Variants in CLINT1 observed in about 807,000 individuals in gnomAD.
CLINT1 encodes clathrin interactor 1.
In CLINT1, 15 loss-of-function variants were observed where a neutral mutation model predicts 70.4. The observed-to-expected ratio is 0.21, with a 90% confidence interval of 0.14 to 0.33. The LOEUF (loss-of-function observed/expected upper bound fraction) is 0.33. CLINT1 is among the 10% of genes least tolerant of loss of function. CLINT1 has a pLI of 1.00. For missense variants in CLINT1, 615 were observed against 778.1 expected (o/e 0.79, Z 2.49); for synonymous variants, 227 against 254.7 (o/e 0.89, Z 1.04).
chr5:157,841,195 G>A (rs1753161561), intron 1 of CLINT1, among the ~76,000 whole-genome samples: 1 of 152,172 alleles, frequency 6.6e-6, no homozygotes, highest in African/African-American at 2.4e-5. Context: ...GATGCCGGGA[G>A]GTTGAGGCAG....
chr5:157,830,997 T>C (rs188177042), intron 1 of CLINT1, among the ~76,000 whole-genome samples: 1 of 151,484 alleles, frequency 6.6e-6, no homozygotes, highest in East Asian at 1.9e-4. Context: ...TGAGACATGA[T>C]AGTGCCACTA....
At chr5:157,842,907 T>G (rs1051689615) in intron 1 of CLINT1, among the ~76,000 whole-genome samples, 1 of 152,200 alleles carries the variant, frequency 6.6e-6, no homozygotes, top group Non-Finnish European at 1.5e-5. Flanking sequence ...TTAAGGCCAC[T>G]TGCACAGCTT....
At chr5:157,806,458 A>T (rs1762387086) in intron 6 of CLINT1, among the ~76,000 whole-genome samples, 1 of 152,118 alleles carries the variant, frequency 6.6e-6, no homozygotes, top group South Asian at 2.1e-4. Context: ...AGAATCCATG[A>T]TAAGACCCTG....
At chr5:157,814,666 G>T (rs147160203) in intron 3 of CLINT1, among the ~76,000 whole-genome samples, 146 of 152,238 alleles carry the variant, frequency 9.6e-4, no homozygotes, top group South Asian at 5.6e-3. Context: ...AAATTATTTG[G>T]TAATTAAACA....
At chr5:157,828,234 T>G (rs999410541) in intron 1 of CLINT1, among the ~76,000 whole-genome samples, 1 of 152,210 alleles carries the variant, frequency 6.6e-6, no homozygotes, top group Non-Finnish European at 1.5e-5. Flanking sequence ...TAAGGCGTTT[T>G]TATTTTCCAG....
In CLINT1 at chr5:157,807,575, C is replaced by T. The variant is rs931767118; in HGVS notation, c.696-1463G>A. Reference sequence around the variant, plus strand: ...ATATGCAACTCTGTCAAAAAATCTACTCTTCTCTCACAAATACTTTAAGAT... The same window carrying T: ...ATATGCAACTCTGTCAAAAAATCTATTCTTCTCTCACAAATACTTTAAGAT... On this transcript the variant is annotated intron_variant, in intron 6 of 11. Transcript: ENST00000411809. Among the ~76,000 whole-genome samples the T allele has an allele frequency of 2.0e-5, 3 of 152,096 alleles. No individual in the cohort carries two copies. The East Asian group carries it at 5.8e-4, about 29-fold the overall frequency.
At chr5:157,843,971 C>G (rs1380878338) in intron 1 of CLINT1, among the ~76,000 whole-genome samples, 1 of 152,046 alleles carries the variant, frequency 6.6e-6, no homozygotes, top group Non-Finnish European at 1.5e-5. Flanking sequence ...AAGTATATAA[C>G]TGTAAAAAAC....
At chr5:157,821,074 T>G (rs1048581095) in intron 1 of CLINT1, among the ~76,000 whole-genome samples, 2 of 152,202 alleles carry the variant, frequency 1.3e-5, no homozygotes, top group Non-Finnish European at 2.9e-5. Flanking sequence ...GTTGTTGTTT[T>G]TTTTAAAGTA....
chr5:157,803,597 C>A, intron 8 of CLINT1, 53 bp downstream of exon 8: 2 of 1,244,590 alleles, frequency 1.6e-6, no homozygotes, highest in South Asian at 2.1e-5. Flanking sequence ...TTTTATTTGG[C>A]ATTTTAAAAA....
chr5:157,845,644 C>T (rs1320460528), intron 1 of CLINT1, among the ~76,000 whole-genome samples: 4 of 151,646 alleles, frequency 2.6e-5, no homozygotes, highest in East Asian at 2.0e-4. Context: ...CTCCGCCTCC[C>T]GGGTTCACGC....
At chr5:157,813,958 C>G (rs1336503754) in intron 4 of CLINT1, among the ~76,000 whole-genome samples, 1 of 152,104 alleles carries the variant, frequency 6.6e-6, no homozygotes, top group Admixed American at 6.6e-5. Context: ...TAATATAAAC[C>G]CGAACACTCA....
At chr5:157,797,486 AGTGAT>A (rs1762102822) in intron 8 of CLINT1, among the ~76,000 whole-genome samples, 4 of 152,136 alleles carry the variant, frequency 2.6e-5, no homozygotes, top group African/African-American at 9.7e-5. Flanking sequence ...GCCAGGTTTA[AGTGAT>A]TCTCCACCTT....
intron 6 of CLINT1, among the ~76,000 whole-genome samples, chr5:157,807,750 CA>C (rs1381121638): frequency 6.6e-6 from 1 of 151,794 alleles, no homozygotes; most frequent in African/African-American, 2.4e-5. Flanking sequence ...ATGGGAGAAA[CA>C]GAAATAAAAG....
intron 6 of CLINT1, among the ~76,000 whole-genome samples, 153 bp downstream of exon 6, chr5:157,809,475 T>A: frequency 6.9e-6 from 1 of 144,682 alleles, no homozygotes; most frequent in African/African-American, 2.6e-5. Flanking sequence ...CTTAAATTGC[T>A]CTAAAAACAA....
At chr5:157,829,558 T>C (rs904081098) in intron 1 of CLINT1, among the ~76,000 whole-genome samples, 1 of 152,042 alleles carries the variant, frequency 6.6e-6, no homozygotes, top group Non-Finnish European at 1.5e-5. Context: ...CTCGTTCCAA[T>C]TGCCCAGGCT....
At chr5:157,805,736 G>A in intron 7 of CLINT1, 130 bp downstream of exon 7, 4 of 1,123,200 alleles carry the variant, frequency 3.6e-6, no homozygotes, top group Non-Finnish European at 5.0e-6. Flanking sequence ...ATGTCTCTTG[G>A]TAATACATGC....
Position 157,814,293 on chromosome 5 carries a change from A to C in CLINT1, c.244T>G (p.Ser82Ala). 3 of 1,598,410 alleles carry C rather than the reference A, an allele frequency of 1.9e-6. No homozygotes were observed. Among genetic ancestry groups the C allele is most frequent in the Non-Finnish European group, 2.6e-6 (3 of 1,169,076 alleles). Residue 82 changes from serine to alanine, a missense_variant and splice_region_variant, in exon 4 of 12, where the codon TCG becomes GCG. Around this residue, in one of 2 missense-constraint regions of CLINT1, gnomAD observed 241 missense variants for 368.6 expected, o/e 0.65. Coordinates refer to ENST00000411809, the MANE Select transcript of CLINT1 (RefSeq NM_014666.4). Reference sequence around the variant, plus strand: ...ATGAGGTAAGCTAGGAGCAGCAACGACTGCAAAAATACAAAGCAATAAATG... The same window carrying C: ...ATGAGGTAAGCTAGGAGCAGCAACGCCTGCAAAAATACAAAGCAATAAATG... ...NKKNWRRVYKSLLLLAYLIRN... is the reference protein window; with the variant it reads ...NKKNWRRVYKALLLLAYLIRN...
intron 1 of CLINT1, among the ~76,000 whole-genome samples, chr5:157,843,903 A>G (rs1048560551): frequency 1.3e-5 from 2 of 152,166 alleles, no homozygotes; most frequent in Non-Finnish European, 2.9e-5. Flanking sequence ...TATCATCTAT[A>G]GATTTTCTTC....
chr5:157,799,333 A>G (rs1202977540), intron 8 of CLINT1, among the ~76,000 whole-genome samples: 2 of 152,168 alleles, frequency 1.3e-5, no homozygotes, highest in Non-Finnish European at 1.5e-5. Flanking sequence ...ATGTTCATGT[A>G]AATGTCTTCA....
Sources: allele counts gnomAD v4.1 joint callset (sites outside exome capture counted in the v4.1 genomes callset), GRCh38; gene constraint gnomAD v4.1.1; regional missense constraint gnomAD v4.1.1; transcripts MANE v1.5; gene names NCBI Gene and HGNC (gene_info 2026-07-23, HGNC 2026-07-21).